Variants in DGKI observed in about 807,000 individuals in gnomAD.
DGKI encodes DAG kinase iota.
A neutral mutation model predicts 147.5 loss-of-function variants in DGKI; 55 were observed. That is an observed-to-expected ratio of 0.37 (90% CI 0.30 to 0.47). The LOEUF (loss-of-function observed/expected upper bound fraction) is 0.47, where lower values mean the gene tolerates loss of function less well. Among genes scored for constraint, DGKI ranks in the 20% least tolerant of loss-of-function variants. The probability of loss-of-function intolerance (pLI) is 1.00; values close to 1 mark genes in which losing one functional copy is unlikely to be tolerated. For synonymous variants in DGKI, 469 were observed against 477.1 expected (o/e 0.98, Z 0.22); for missense variants, 1,007 against 1,323.8 (o/e 0.76, Z 3.71).
intron 1 of DGKI, among the ~76,000 whole-genome samples, chr7:137,806,976 C>T (rs547817784): frequency 1.4e-4 from 21 of 152,302 alleles, no homozygotes; most frequent in African/African-American, 4.3e-4. Context: ...TTGCTTCATC[C>T]ACTATGAGCC....
At chr7:137,405,894 G>T (rs999895486) in intron 30 of DGKI, among the ~76,000 whole-genome samples, 1 of 152,156 alleles carries the variant, frequency 6.6e-6, no homozygotes, top group Non-Finnish European at 1.5e-5. Context: ...GGAGCTGACT[G>T]CAGCCTCCTA....
chr7:137,539,637 G>C (rs76092049), intron 20 of DGKI, among the ~76,000 whole-genome samples: 3,410 of 151,948 alleles, frequency 0.022, 147 homozygotes, highest in East Asian at 0.11. Flanking sequence ...CTTGTGGCCT[G>C]AACTTGAGTC....
At chr7:137,582,916 A>G (rs1258992791) in intron 14 of DGKI, among the ~76,000 whole-genome samples, 4 of 152,184 alleles carry the variant, frequency 2.6e-5, no homozygotes, top group African/African-American at 9.6e-5. Context: ...CCAGCTAATT[A>G]TCCGGTTTGT....
chr7:137,603,090 G>A (rs543029043), intron 10 of DGKI, among the ~76,000 whole-genome samples: 167 of 152,260 alleles, frequency 1.1e-3, no homozygotes, highest in African/African-American at 3.3e-3. Context: ...TGACTGGATT[G>A]AACAAGATTC....
chr7:137,521,596 A>G (rs1816963231), intron 21 of DGKI, among the ~76,000 whole-genome samples: 1 of 152,092 alleles, frequency 6.6e-6, no homozygotes, highest in Admixed American at 6.6e-5. Flanking sequence ...CATTTTAGGC[A>G]AATCTGAGAC....
At chr7:137,646,783 TAGTA>T (rs1229241521) in intron 5 of DGKI, among the ~76,000 whole-genome samples, 1 of 152,162 alleles carries the variant, frequency 6.6e-6, no homozygotes. Context: ...ACTGTTCTAT[TAGTA>T]CGTACAGATG....
At chr7:137,822,586 G>T (rs1452771171) in intron 1 of DGKI, among the ~76,000 whole-genome samples, 2 of 152,054 alleles carry the variant, frequency 1.3e-5, no homozygotes, top group South Asian at 4.1e-4. Context: ...CATGCACACC[G>T]AGCTTCCATT....
chr7:137,399,362 C>T (rs1178326696), intron 30 of DGKI, among the ~76,000 whole-genome samples: 1 of 152,180 alleles, frequency 6.6e-6, no homozygotes, highest in Non-Finnish European at 1.5e-5. Flanking sequence ...TTAACTCATA[C>T]CTCTTTGTTC....
chr7:137,527,709 T>A (rs971795209), intron 20 of DGKI, among the ~76,000 whole-genome samples: 1 of 152,168 alleles, frequency 6.6e-6, no homozygotes, highest in Admixed American at 6.5e-5. Context: ...CATTTGCTAC[T>A]CATATAGAGT....
chr7:137,789,342 C>G (rs1796775547), intron 1 of DGKI, among the ~76,000 whole-genome samples: 1 of 152,060 alleles, frequency 6.6e-6, no homozygotes, highest in Non-Finnish European at 1.5e-5. Context: ...GACTACCACC[C>G]ACTCCCCATG....
intron 2 of DGKI, among the ~76,000 whole-genome samples, chr7:137,681,338 A>G (rs1823229031): frequency 6.6e-6 from 1 of 152,234 alleles, no homozygotes; most frequent in Admixed American, 6.5e-5. Flanking sequence ...AGCAGATGCA[A>G]GAGAAGCATA....
At chr7:137,748,856 AT>A (rs1289563085) in intron 1 of DGKI, among the ~76,000 whole-genome samples, 5 of 152,218 alleles carry the variant, frequency 3.3e-5, no homozygotes, top group Admixed American at 2.6e-4. Flanking sequence ...AAGGAAAAGA[AT>A]TTATAACTGG....
At chr7:137,682,944 T>C (rs998965945) in intron 2 of DGKI, among the ~76,000 whole-genome samples, 6 of 152,198 alleles carry the variant, frequency 3.9e-5, no homozygotes, top group Admixed American at 1.3e-4. Flanking sequence ...GTCTATGACA[T>C]AGGTGAGACA....
Position 137,412,200 on chromosome 7 carries a change from C to T in DGKI, c.2769G>A (p.Leu923=). 1 of 1,613,746 alleles carries T rather than the reference C, an allele frequency of 6.2e-7. No individual in the cohort carries two copies. The highest frequency in any genetic ancestry group is 2.2e-5 in the East Asian group (1 of 44,858). The part of the protein sequence containing the change: ...SPVSSEDHAI[L]QAVIAGDLMK... ...TAAGATCACCAGCTATTACTGCCTG[C>T]AAAATTGCTGTGAAAGACAAAAGAG... The change falls in exon 29 of 33, where the codon TTG becomes TTA. Residue 923 remains leucine (L), a synonymous_variant. Coordinates refer to ENST00000614521, the MANE Select transcript of DGKI (RefSeq NM_001321708.2).
At chr7:137,644,692 C>A (rs573073506) in intron 6 of DGKI, among the ~76,000 whole-genome samples, 1 of 152,258 alleles carries the variant, frequency 6.6e-6, no homozygotes, top group African/African-American at 2.4e-5. Context: ...TACTGATGAC[C>A]ATCAGCTTAC....
chr7:137,755,512 C>T (rs552110518), intron 1 of DGKI, among the ~76,000 whole-genome samples: 2 of 152,162 alleles, frequency 1.3e-5, no homozygotes, highest in African/African-American at 4.8e-5. Context: ...GTCACTCACA[C>T]GTGGAACAAA....
At chr7:137,398,458 T>A (rs1811633769) in intron 30 of DGKI, among the ~76,000 whole-genome samples, 1 of 152,210 alleles carries the variant, frequency 6.6e-6, no homozygotes, top group Non-Finnish European at 1.5e-5. Flanking sequence ...ATTGAATGGA[T>A]GAATAAATAT....
intron 2 of DGKI, among the ~76,000 whole-genome samples, chr7:137,682,628 C>T (rs140642694): frequency 2.6e-5 from 4 of 152,304 alleles, no homozygotes; most frequent in African/African-American, 9.6e-5. Flanking sequence ...GCCAAGACTG[C>T]TAGCCAGTCC....
chr7:137,735,824 GAAC>G (rs1307608998), intron 1 of DGKI, among the ~76,000 whole-genome samples: 4 of 152,200 alleles, frequency 2.6e-5, no homozygotes, highest in African/African-American at 4.8e-5. Flanking sequence ...CAACAGGGAA[GAAC>G]AACAATTCCT....
Sources: allele counts gnomAD v4.1 joint callset (sites outside exome capture counted in the v4.1 genomes callset), GRCh38; gene constraint gnomAD v4.1.1; transcripts MANE v1.5; gene names NCBI Gene and HGNC (gene_info 2026-07-23, HGNC 2026-07-21).